The following ATP5MF variants were observed in gnomAD, a reference collection of about 807,000 sequenced individuals.
ATP5MF encodes the protein ATP synthase F(0) complex subunit f, mitochondrial.
A neutral mutation model predicts 13.8 loss-of-function variants in ATP5MF; 10 were observed. The ratio of observed to expected loss-of-function variants is 0.72; its 90% confidence interval spans 0.45 to 1.23. ATP5MF has a LOEUF of 1.23. Ranked by LOEUF, ATP5MF falls within the 50% of genes most tolerant of loss-of-function variation. ATP5MF has a pLI of 0.00. For missense variants in ATP5MF, 122 were observed against 118.2 expected (o/e 1.03, Z -0.15); for synonymous variants, 40 against 45.8 (o/e 0.87, Z 0.51).
At chr7:99,464,982 A>G (rs866718609) in intron 1 of ATP5MF, among the ~76,000 whole-genome samples, 8 of 151,326 alleles carry the variant, frequency 5.3e-5, no homozygotes, top group South Asian at 2.1e-4. Context: ...AAGAATACAG[A>G]AACGCAGTGG....
chr7:99,465,273 TA>T (rs200201764), intron 1 of ATP5MF, among the ~76,000 whole-genome samples: 13 of 150,622 alleles, frequency 8.6e-5, no homozygotes, highest in Non-Finnish European at 1.8e-4. Context: ...AAAAAAATGA[TA>T]AAAAAAAACC....
intron 3 of ATP5MF, 99 bp downstream of exon 3, chr7:99,459,048 C>T (rs1241103592): frequency 1.2e-6 from 1 of 848,338 alleles, no homozygotes; most frequent in East Asian, 2.6e-5. Context: ...AACTAAAGGT[C>T]CCTCAGCCTC....
At position 99,458,489 on chromosome 7, in the gene ATP5MF, G is replaced by A. The variant is rs370429677; in HGVS notation, c.257-134C>T. The A allele has an allele frequency of 6.3e-5, 56 of 891,720 alleles. No homozygotes were observed. In the East Asian group the frequency reaches 7.1e-4, roughly 11 times the overall value. 55.2% of individuals were successfully genotyped at this position (891,720 alleles called of 1,614,324 possible). A position where few individuals can be genotyped will look rare whatever the true frequency, so the allele number is the denominator to read the frequency against. Reference sequence around the variant, plus strand: ...AGAGATGACCCATGACCCGCCTGCCGGTGTCTCTGCAGAATCAGCAGACCC... The same window carrying A: ...AGAGATGACCCATGACCCGCCTGCCAGTGTCTCTGCAGAATCAGCAGACCC... On this transcript the variant is annotated intron_variant, in intron 3 of 3. Coordinates refer to ENST00000292475, the MANE Select transcript of ATP5MF (RefSeq NM_004889.5).
intron 1 of ATP5MF, among the ~76,000 whole-genome samples, chr7:99,462,646 G>A (rs1415223524): frequency 6.6e-6 from 1 of 152,156 alleles, no homozygotes; most frequent in East Asian, 1.9e-4. Context: ...ATGGTGGCGT[G>A]TGCCTGTAGT....
Sources: allele counts gnomAD v4.1 joint callset (sites outside exome capture counted in the v4.1 genomes callset), GRCh38; gene constraint gnomAD v4.1.1; transcripts MANE v1.5; gene names NCBI Gene and HGNC (gene_info 2026-07-23, HGNC 2026-07-21).